The following PRSS3 variants were observed in gnomAD, a reference collection of about 807,000 sequenced individuals.
The protein encoded by PRSS3 is trypsin-3.
PRSS3 carries 14 observed loss-of-function variants against 20.8 expected under a neutral mutation model. That is an observed-to-expected ratio of 0.67 (90% CI 0.44 to 1.05). The LOEUF is 1.05. PRSS3 is among the 50% of genes least tolerant of loss of function. The pLI, the probability that PRSS3 is intolerant of heterozygous loss-of-function variation, is 0.00. For synonymous variants in PRSS3, 91 were observed against 117.6 expected (o/e 0.77, Z 1.46); for missense variants, 237 against 306.4 (o/e 0.77, Z 1.69).
At chr9:33,763,334 C>G (rs974087999) in intron 1 of PRSS3, among the ~76,000 whole-genome samples, 3 of 152,140 alleles carry the variant, frequency 2.0e-5, no homozygotes, top group Admixed American at 2.0e-4. Flanking sequence ...TTTGGTCAGT[C>G]CCAGTCTAAC....
In PRSS3 at chr9:33,777,426, C is replaced by T. The variant is rs368573114; in HGVS notation, c.-52-17320C>T. Among the ~76,000 whole-genome samples the T allele has an allele frequency of 1.5e-4, 22 of 150,782 alleles. 1 individual carries two copies. In the South Asian group the frequency reaches 4.6e-3, roughly 31 times the overall value. Reference sequence around the variant, plus strand: ...TAGGTCGAGCCACCGCGGCTCAAGCCTGTAATCCCAGCACTTTTGGGAGGC... The same window carrying T: ...TAGGTCGAGCCACCGCGGCTCAAGCTTGTAATCCCAGCACTTTTGGGAGGC... On this transcript the variant is annotated intron_variant, in intron 1 of 5. Transcript: ENST00000342836.
At chr9:33,765,289 A>C (rs949584960) in intron 1 of PRSS3, among the ~76,000 whole-genome samples, 2 of 152,252 alleles carry the variant, frequency 1.3e-5, no homozygotes, top group African/African-American at 4.8e-5. Flanking sequence ...AATTAGGTAT[A>C]GTAAGAGATT....
chr9:33,752,970 T>C (rs1378913961), intron 1 of PRSS3, among the ~76,000 whole-genome samples: 1 of 152,236 alleles, frequency 6.6e-6, no homozygotes, highest in Non-Finnish European at 1.5e-5. Context: ...AGGCGATGTT[T>C]GTAAACAGCA....
chr9:33,755,789 G>A (rs1313920135), intron 1 of PRSS3, among the ~76,000 whole-genome samples: 3 of 152,152 alleles, frequency 2.0e-5, no homozygotes, highest in Admixed American at 1.3e-4. Context: ...GGCCCTCTGA[G>A]TGCTACTAAT....
At chr9:33,757,288 A>T (rs2118759957) in intron 1 of PRSS3, among the ~76,000 whole-genome samples, 1 of 152,336 alleles carries the variant, frequency 6.6e-6, no homozygotes, top group South Asian at 2.1e-4. Flanking sequence ...AACTCTTTGA[A>T]TACATGTACA....
At chr9:33,794,754 G>C, upstream of PRSS3, 1 of 1,548,770 alleles carries the variant, frequency 6.5e-7, no homozygotes, top group Non-Finnish European at 8.7e-7. Context: ...AGGTTGCCAG[G>C]ACAACCGTGA....
chr9:33,751,402 A>C (rs1587363602), intron 1 of PRSS3, among the ~76,000 whole-genome samples: 1 of 152,054 alleles, frequency 6.6e-6, no homozygotes, highest in African/African-American at 2.4e-5. Flanking sequence ...AGTGGGGGAG[A>C]AATTTGCGGG....
At chr9:33,755,036 T>G (rs1822876675) in intron 1 of PRSS3, among the ~76,000 whole-genome samples, 1 of 152,190 alleles carries the variant, frequency 6.6e-6, no homozygotes, top group Non-Finnish European at 1.5e-5. Flanking sequence ...AGGAACTTTT[T>G]TAAATGGTAG....
chr9:33,754,518 C>T (rs1563954806), intron 1 of PRSS3, among the ~76,000 whole-genome samples: 1 of 151,988 alleles, frequency 6.6e-6, no homozygotes, highest in African/African-American at 2.4e-5. Flanking sequence ...TAGACGGACA[C>T]GATGCCAATA....
Position 33,766,263 on chromosome 9 carries a change from CAAAAAAAAAAAA to C in PRSS3, c.-53+15551_-53+15562del, listed in dbSNP as rs67834191. On this transcript the variant is annotated intron_variant, in intron 1 of 5. Coordinates refer to the PRSS3 transcript ENST00000342836. ...TGGGCAACAGAGCCAGATTCCGTCT[CAAAAAAAAAAAA>C]AAAAAAAAAAAAAAGGAGCCGGGGG... Among the ~76,000 whole-genome samples the C allele has an allele frequency of 9.7e-3, 708 of 72,798 alleles. 14 individuals carry two copies. Among genetic ancestry groups the C allele is most frequent in the African/African-American group, 0.042 (631 of 14,860 alleles). The allele number at this position is 72,798 out of a possible 152,430, so 47.8% of individuals were successfully genotyped here. A position where few individuals can be genotyped will look rare whatever the true frequency, so the allele number is the denominator to read the frequency against.
chr9:33,762,856 GC>G, intron 1 of PRSS3, among the ~76,000 whole-genome samples: 2 of 152,220 alleles, frequency 1.3e-5, no homozygotes, highest in South Asian at 4.1e-4. Context: ...CCCTATTATT[GC>G]GGGAATAGTG....
rs13283802 is a variant in PRSS3, at chr9:33,784,822, G to A, written c.-52-9924G>A. Among the ~76,000 whole-genome samples the A allele has an allele frequency of 3.9e-3, 588 of 152,250 alleles. 3 individuals are homozygous for A. Among genetic ancestry groups the A allele is most frequent in the Non-Finnish European group, 4.6e-3 (310 of 68,032 alleles). On this transcript the variant is annotated intron_variant, in intron 1 of 5. Coordinates refer to the PRSS3 transcript ENST00000342836. ...TACTAAGGCACAGGCAACTGTAAGA[G>A]TCAGACAATACTTGATAGTGTTGAT...
chr9:33,764,402 A>G (rs1765398), intron 1 of PRSS3, among the ~76,000 whole-genome samples: 146,367 of 152,158 alleles, frequency 0.96, 70,533 homozygotes, highest in Non-Finnish European at 1. Context: ...GTGTGGTGGC[A>G]CATTCCTGTA....
chr9:33,769,284 A>G (rs1343368661), intron 1 of PRSS3, among the ~76,000 whole-genome samples: 2 of 152,250 alleles, frequency 1.3e-5, no homozygotes, highest in Non-Finnish European at 1.5e-5. Flanking sequence ...GAGAAAGCAC[A>G]TTCTGGAGAA....
intron 1 of PRSS3, among the ~76,000 whole-genome samples, chr9:33,779,714 A>T (rs1824093685): frequency 6.6e-6 from 1 of 151,862 alleles, no homozygotes; most frequent in Admixed American, 6.6e-5. Context: ...TAAAAATATA[A>T]AAAAACTAGC....
At chr9:33,798,659 A>G in intron 4 of PRSS3, 37 bp downstream of exon 4, 1 of 1,613,516 alleles carries the variant, frequency 6.2e-7, no homozygotes, top group Middle Eastern at 1.6e-4. Flanking sequence ...GCTCCCACCG[A>G]TACCCAGGCC....
intron 1 of PRSS3, among the ~76,000 whole-genome samples, chr9:33,779,069 TC>T (rs1441848532): frequency 6.6e-6 from 1 of 152,130 alleles, no homozygotes; most frequent in African/African-American, 2.4e-5. Context: ...TCTGAAAGCA[TC>T]CAGAAATGAA....
upstream of PRSS3, among the ~76,000 whole-genome samples, chr9:33,793,283 T>C (rs779799779): frequency 7.2e-5 from 11 of 152,376 alleles, no homozygotes; most frequent in South Asian, 6.2e-4. Context: ...TAGTGCACAC[T>C]GGTGTCTACA....
intron 1 of PRSS3, among the ~76,000 whole-genome samples, chr9:33,766,116 T>G (rs1213317140): frequency 2.0e-5 from 3 of 151,170 alleles, no homozygotes; most frequent in Admixed American, 6.6e-5. Context: ...AATATAAAAA[T>G]TAACCAGGCA....
Sources: gnomAD v4.1 joint callset for allele counts (sites outside exome capture counted in the v4.1 genomes callset) on GRCh38, gnomAD v4.1.1 for gene constraint, MANE v1.5 for transcripts, NCBI Gene and HGNC (gene_info 2026-07-23, HGNC 2026-07-21) for gene names.